SBF2: variants seen among roughly 807,000 people sequenced by gnomAD.
SBF2 encodes myotubularin-related protein 13.
Under a neutral mutation model 225.2 loss-of-function variants are expected in SBF2, and 112 were observed. The observed-to-expected ratio is 0.50, with a 90% CI of 0.43 to 0.58. SBF2 has a LOEUF of 0.58. Among genes scored for constraint, SBF2 ranks in the 20% least tolerant of loss-of-function variants. The pLI, the probability that SBF2 is intolerant of heterozygous loss-of-function variation, is 0.00. For missense variants in SBF2, 1,996 were observed against 2,206.2 expected, an observed-to-expected ratio of 0.90 and a Z score of 1.91; for synonymous variants, 763 against 773.3, an observed-to-expected ratio of 0.99 and a Z score of 0.22.
chr11:9,828,837 T>C (rs748593478), intron 28 of SBF2, among the ~76,000 whole-genome samples: 1 of 152,206 alleles, frequency 6.6e-6, no homozygotes, highest in Non-Finnish European at 1.5e-5. Context: ...AAGATAAATA[T>C]GGGAATAAAG....
At chr11:10,106,842 T>TA (rs1389900853) in intron 2 of SBF2, among the ~76,000 whole-genome samples, 8 of 151,904 alleles carry the variant, frequency 5.3e-5, no homozygotes, top group African/African-American at 1.9e-4. Flanking sequence ...AAATCCAACT[T>TA]AAAAAATGGG....
At chr11:10,207,090 G>C (rs548624146) in intron 1 of SBF2, among the ~76,000 whole-genome samples, 3 of 152,030 alleles carry the variant, frequency 2.0e-5, no homozygotes, top group African/African-American at 7.2e-5. Flanking sequence ...AGTCTTGAAA[G>C]AAGCCAGAGA....
chr11:10,150,742 C>T (rs2135170223), intron 2 of SBF2, among the ~76,000 whole-genome samples: 1 of 152,078 alleles, frequency 6.6e-6, no homozygotes, highest in East Asian at 1.9e-4. Context: ...CTGGATAAAA[C>T]AGTAAAGACT....
At chr11:10,059,743 A>G (rs1950364797) in intron 2 of SBF2, among the ~76,000 whole-genome samples, 1 of 152,208 alleles carries the variant, frequency 6.6e-6, no homozygotes, top group African/African-American at 2.4e-5. Flanking sequence ...AAACCATACA[A>G]TTATTTGGAA....
chr11:10,067,701 C>A (rs971455266), intron 2 of SBF2, among the ~76,000 whole-genome samples: 7 of 152,154 alleles, frequency 4.6e-5, no homozygotes, highest in Admixed American at 3.9e-4. Flanking sequence ...TTGAGACCAA[C>A]CTGGGCAACA....
At chr11:10,282,714 T>C (rs1243209358) in intron 1 of SBF2, among the ~76,000 whole-genome samples, 1 of 152,224 alleles carries the variant, frequency 6.6e-6, no homozygotes, top group East Asian at 1.9e-4. Flanking sequence ...ACGTTTGAGC[T>C]TTCTCATACT....
intron 13 of SBF2, among the ~76,000 whole-genome samples, chr11:9,973,893 T>TA: frequency 6.6e-6 from 1 of 152,208 alleles, no homozygotes; most frequent in East Asian, 1.9e-4. Context: ...ATGATATTGT[T>TA]AGAGCTTATC....
intron 1 of SBF2, among the ~76,000 whole-genome samples, chr11:10,281,807 C>G (rs1013155064): frequency 6.6e-6 from 1 of 152,146 alleles, no homozygotes; most frequent in East Asian, 1.9e-4. Flanking sequence ...TATGTCAATC[C>G]CACAAACACA....
In SBF2 at chr11:9,873,489, G is replaced by A. The variant is rs77049684; in HGVS notation, c.1930-15093C>T. Reference sequence around the variant, plus strand: ...ATTTAGTAAACAGAAGCAGCAGCCAGGGGCTCAAGGGATAGTGGGGGCAGC... The same window carrying A: ...ATTTAGTAAACAGAAGCAGCAGCCAAGGGCTCAAGGGATAGTGGGGGCAGC... On this transcript the variant is annotated intron_variant, in intron 17 of 39. Transcript: ENST00000256190. 4.0e-4 allele frequency among the ~76,000 whole-genome samples: 61 copies of A among 152,276 alleles called. No homozygotes were observed. The East Asian group carries it at 0.011, about 28-fold the overall frequency.
chr11:10,138,519 T>C, intron 2 of SBF2, among the ~76,000 whole-genome samples: 1 of 150,380 alleles, frequency 6.6e-6, no homozygotes, highest in East Asian at 2.1e-4. Context: ...CTGAGCTTCT[T>C]TTCCTATTTT....
intron 17 of SBF2, among the ~76,000 whole-genome samples, chr11:9,862,141 G>A (rs549772699): frequency 2.2e-4 from 33 of 152,286 alleles, no homozygotes; most frequent in African/African-American, 7.7e-4. Flanking sequence ...TGATATGTGC[G>A]TTAGAAATCA....
intron 1 of SBF2, among the ~76,000 whole-genome samples, chr11:10,213,123 C>A (rs1958000112): frequency 6.6e-6 from 1 of 152,110 alleles, no homozygotes; most frequent in African/African-American, 2.4e-5. Flanking sequence ...CATTTTGTAG[C>A]AGCATCTCTT....
intron 15 of SBF2, 115 bp from the exon 16 acceptor site, chr11:9,962,221 A>C: frequency 1.1e-6 from 1 of 898,144 alleles, no homozygotes; most frequent in Non-Finnish European, 1.8e-6. Context: ...CATAGTTATT[A>C]GTAAAATTAA....
intron 3 of SBF2, among the ~76,000 whole-genome samples, chr11:10,037,620 G>A (rs1054150457): frequency 1.3e-5 from 2 of 149,570 alleles, no homozygotes; most frequent in Admixed American, 1.3e-4. Context: ...GTCAACTAGT[G>A]TACAGCAACT....
chr11:10,000,163 C>A (rs994128448), intron 8 of SBF2, among the ~76,000 whole-genome samples: 1 of 152,212 alleles, frequency 6.6e-6, no homozygotes, highest in African/African-American at 2.4e-5. Context: ...GCCACTTCAT[C>A]CACTGATTTT....
At chr11:9,890,567 G>GCTT (rs2134117134) in intron 17 of SBF2, among the ~76,000 whole-genome samples, 1 of 152,252 alleles carries the variant, frequency 6.6e-6, no homozygotes, top group South Asian at 2.1e-4. Context: ...ATCTGGAAAG[G>GCTT]CTTCACTTCA....
intron 16 of SBF2, among the ~76,000 whole-genome samples, chr11:9,945,786 C>T (rs1180528291): frequency 6.6e-6 from 1 of 152,076 alleles, no homozygotes; most frequent in Non-Finnish European, 1.5e-5. Flanking sequence ...TGAACAGACA[C>T]TTCTCAAAAG....
At chr11:10,032,848 T>G (rs1286783575) in intron 3 of SBF2, among the ~76,000 whole-genome samples, 1 of 152,248 alleles carries the variant, frequency 6.6e-6, no homozygotes, top group Non-Finnish European at 1.5e-5. Flanking sequence ...ATACATTTTC[T>G]TGGCATAGTT....
chr11:10,229,713 G>T (rs369513484), intron 1 of SBF2, among the ~76,000 whole-genome samples: 49 of 152,276 alleles, frequency 3.2e-4, no homozygotes, highest in Non-Finnish European at 6.2e-4. Flanking sequence ...TACATTTGCT[G>T]AGCAGTGCTT....
Sources: gnomAD v4.1 joint callset for allele counts (sites outside exome capture counted in the v4.1 genomes callset) on GRCh38, gnomAD v4.1.1 for gene constraint, MANE v1.5 for transcripts, NCBI Gene and HGNC (gene_info 2026-07-23, HGNC 2026-07-21) for gene names.